ZC3H12C: variants seen among roughly 807,000 people sequenced by gnomAD.
ZC3H12C encodes the protein probable ribonuclease ZC3H12C.
Under a neutral mutation model 76.3 loss-of-function variants are expected in ZC3H12C, and 20 were observed. The ratio of observed to expected loss-of-function variants is 0.26; its 90% CI spans 0.18 to 0.38. ZC3H12C has a LOEUF of 0.38. Ranked by LOEUF, ZC3H12C falls within the 10% of genes least tolerant of loss-of-function variation. The pLI is 1.00. For synonymous variants in ZC3H12C, 352 were observed against 399.6 expected, an observed-to-expected ratio of 0.88 and a Z score of 1.42; for missense variants, 874 against 1,086.5, an observed-to-expected ratio of 0.80 and a Z score of 2.75.
At chr11:110,108,677 G>A (rs1436706617) in intron 1 of ZC3H12C, among the ~76,000 whole-genome samples, 2 of 152,154 alleles carry the variant, frequency 1.3e-5, no homozygotes. Context: ...ATGTGCTGAT[G>A]ACTACCATAT....
At chr11:110,131,241 A>T (rs1861860456) in intron 1 of ZC3H12C, 1 of 725,492 alleles carries the variant, frequency 1.4e-6, no homozygotes, top group Non-Finnish European at 2.3e-6. Flanking sequence ...CATACCAGAA[A>T]ATTAAGTTAT....
At chr11:110,135,364 C>A (rs11823729) in intron 1 of ZC3H12C, among the ~76,000 whole-genome samples, 4,385 of 151,964 alleles carry the variant, frequency 0.029, 88 homozygotes, top group East Asian at 0.1. Context: ...GTGGCACTCA[C>A]CTGTAATCCC....
At position 110,137,041 on chromosome 11, in the gene ZC3H12C, A is replaced by T; in HGVS notation, c.400A>T (p.Asn134Tyr). ...PCLEPHILKR[N>Y]EILQDFKPEE... ...TTTAGAGCCTCACATACTCAAGCGC[A>T]ATGAAATTTTGCAAGACTTTAAACC... The change falls in exon 2 of 6, where the codon AAT (asparagine) becomes TAT (tyrosine). Residue 134 changes from asparagine (N) to tyrosine (Y), a missense_variant. Asn to Tyr is a moderately radical substitution (Grantham distance 143, BLOSUM62 -2). This residue lies in a region of ZC3H12C where 210 missense variants were observed against 227.1 expected (regional missense o/e 0.92). Transcript: ENST00000278590. The T allele has an allele frequency of 6.2e-7, 1 of 1,613,828 alleles. No individual in the cohort carries two copies. Among genetic ancestry groups the T allele is most frequent in the Non-Finnish European group, 8.5e-7 (1 of 1,179,854 alleles).
chr11:110,112,516 G>A (rs1591461920), intron 1 of ZC3H12C, among the ~76,000 whole-genome samples: 1 of 152,176 alleles, frequency 6.6e-6, no homozygotes, highest in African/African-American at 2.4e-5. Flanking sequence ...ATTTTTGGTG[G>A]AAGAGATAAT....
chr11:110,161,324 T>A (rs1302101922), intron 4 of ZC3H12C, among the ~76,000 whole-genome samples: 1 of 152,202 alleles, frequency 6.6e-6, no homozygotes, highest in Non-Finnish European at 1.5e-5. Flanking sequence ...ATATATGCAG[T>A]CCATTGTTGA....
At chr11:110,156,300 T>G (rs1862376784) in intron 3 of ZC3H12C, among the ~76,000 whole-genome samples, 1 of 152,222 alleles carries the variant, frequency 6.6e-6, no homozygotes, top group Non-Finnish European at 1.5e-5. Context: ...ATTTTTAAGT[T>G]GTCAGCATCA....
Position 110,164,926 on chromosome 11 carries a change from A to G in ZC3H12C, c.1841A>G (p.Asp614Gly). ...AGCCCTGAAAGGCGTTTCTCCTTAG[A>G]CACAGATTATAGAATAAGTTCCGTA... is the stretch of plus-strand genomic sequence containing the variant. ...PRSPERRFSL[D>G]TDYRISSVAS... The change falls in exon 6 of 6, where the codon GAC becomes GGC. Residue 614 changes from aspartate to glycine, a missense_variant. Asp to Gly is a moderately conservative substitution (Grantham distance 94). This residue lies in a region of ZC3H12C where 395 missense variants were observed against 434.4 expected (regional missense o/e 0.91). Coordinates refer to ENST00000278590, the MANE Select transcript of ZC3H12C (RefSeq NM_033390.2). This position sits in a 1 kb window ranked among gnomAD's most constrained non-coding sequence, Gnocchi z 5.7. 6.2e-7 allele frequency: 1 copy of G among 1,614,020 alleles called. No individual in the cohort carries two copies. Among genetic ancestry groups the G allele is most frequent in the African/African-American group, 1.3e-5 (1 of 75,054 alleles).
chr11:110,142,591 C>G (rs1862086300), intron 2 of ZC3H12C, among the ~76,000 whole-genome samples: 1 of 152,124 alleles, frequency 6.6e-6, no homozygotes, highest in Non-Finnish European at 1.5e-5. Flanking sequence ...TTGGCCCTTT[C>G]AATTCTCAAA....
At chr11:110,114,326 CAG>C (rs564492268) in intron 1 of ZC3H12C, among the ~76,000 whole-genome samples, 286 of 152,284 alleles carry the variant, frequency 1.9e-3, no homozygotes, top group Middle Eastern at 0.01. Context: ...TGTCACCTCT[CAG>C]AGGCTTCCCA....
intron 1 of ZC3H12C, 128 bp downstream of exon 1, chr11:110,093,560 T>G (rs979384874): frequency 1.6e-6 from 1 of 630,818 alleles, no homozygotes; most frequent in East Asian, 5.4e-5. Context: ...CGCAGCGACC[T>G]CGCCGTGTGA....
At chr11:110,137,799 C>T (rs925192244) in intron 2 of ZC3H12C, among the ~76,000 whole-genome samples, 1 of 152,052 alleles carries the variant, frequency 6.6e-6, no homozygotes, top group Non-Finnish European at 1.5e-5. Flanking sequence ...AGTTAAATAA[C>T]CCTAATTCTT....
At chr11:110,142,952 A>C (rs1210191266) in intron 2 of ZC3H12C, among the ~76,000 whole-genome samples, 1 of 152,232 alleles carries the variant, frequency 6.6e-6, no homozygotes. Flanking sequence ...ATCTATAACA[A>C]GGGACATGGA....
In ZC3H12C at chr11:110,168,653, A is replaced by AGTCT. The variant is rs1203741579; in HGVS notation, c.*2919_*2922dup. 2.0e-5 allele frequency: 3 copies of AGTCT among 152,180 alleles called. No homozygotes were observed. The highest frequency in any genetic ancestry group is 4.4e-5 in the Non-Finnish European group (3 of 67,994). The allele number at this position is 152,180 out of a possible 1,614,324, so 9.4% of individuals were successfully genotyped here. Reference sequence around the variant, plus strand: ...ACTGTGCTTTACACAGTAACTAGCCAGTCTGTTGTCTCTGTGTCTTAGTCC... The same window carrying AGTCT: ...ACTGTGCTTTACACAGTAACTAGCCAGTCTGTCTGTTGTCTCTGTGTCTTAGTCC... On this transcript the variant is annotated 3_prime_UTR_variant, in exon 6 of 6. Transcript: ENST00000278590.
chr11:110,104,658 G>A (rs1424486892), intron 1 of ZC3H12C, among the ~76,000 whole-genome samples: 1 of 152,184 alleles, frequency 6.6e-6, no homozygotes, highest in Non-Finnish European at 1.5e-5. Flanking sequence ...TTAAATCCCA[G>A]CTCTGCCATT....
chr11:110,151,940 A>G (rs1214509102), intron 2 of ZC3H12C, among the ~76,000 whole-genome samples: 1 of 151,980 alleles, frequency 6.6e-6, no homozygotes. Flanking sequence ...CAAAATATTA[A>G]TATGCCTAAA....
Position 110,164,333 on chromosome 11 carries a change from C to T in ZC3H12C, c.1256-8C>T, listed in dbSNP as rs762991015. The T allele has an allele frequency of 1.3e-6, 2 of 1,588,270 alleles. No homozygotes were observed. The highest frequency in any genetic ancestry group is 1.8e-5 in the Admixed American group (1 of 56,080). On this transcript the variant is annotated splice_polypyrimidine_tract_variant and splice_region_variant and intron_variant, in intron 5 of 5. Transcript: ENST00000278590. The surrounding 1 kb of genome is among the most constrained non-coding windows in gnomAD (Gnocchi z 5.7). ...GCTCCTTTGCCTAATTAATTTTACT[C>T]TTCTTAGGAAAGAAGTGTACCTATG...
At chr11:110,116,840 A>G (rs1479242876) in intron 1 of ZC3H12C, among the ~76,000 whole-genome samples, 1 of 152,188 alleles carries the variant, frequency 6.6e-6, no homozygotes, top group African/African-American at 2.4e-5. Flanking sequence ...TAACTTGTGC[A>G]GGTTGCTTGG....
chr11:110,162,504 T>C (rs1862498278), intron 4 of ZC3H12C, among the ~76,000 whole-genome samples: 1 of 152,242 alleles, frequency 6.6e-6, no homozygotes, highest in South Asian at 2.1e-4. Flanking sequence ...GGTAATATAA[T>C]GAATAGCAGA....
chr11:110,095,951 T>G (rs1861105091), intron 1 of ZC3H12C, among the ~76,000 whole-genome samples: 1 of 152,206 alleles, frequency 6.6e-6, no homozygotes, highest in East Asian at 1.9e-4. Context: ...CAATCAGGAT[T>G]CCAAATTTAA....
Sources: gnomAD v4.1 joint callset for allele counts (sites outside exome capture counted in the v4.1 genomes callset) on GRCh38, gnomAD v4.1.1 for gene constraint, gnomAD v4.1.1 regional missense constraint, Gnocchi (gnomAD v3.1) non-coding constraint, MANE v1.5 for transcripts, NCBI Gene and HGNC (gene_info 2026-07-23, HGNC 2026-07-21) for gene names.